Variants in DPP6 observed in about 807,000 individuals in gnomAD.
DPP6 encodes dipeptidyl peptidase like 6, also known as A-type potassium channel modulatory protein DPP6.
DPP6 carries 69 observed loss-of-function variants against 122.6 expected under a neutral mutation model. The observed-to-expected ratio is 0.56, with a 90% confidence interval of 0.46 to 0.69. DPP6 has a LOEUF of 0.69. Among genes scored for constraint, DPP6 ranks in the 30% least tolerant of loss-of-function variants. The pLI is 0.00. For synonymous variants in DPP6, 418 were observed against 433.1 expected, an observed-to-expected ratio of 0.97 and a Z score of 0.43; for missense variants, 928 against 1,116.9, an observed-to-expected ratio of 0.83 and a Z score of 2.41.
At chr7:154,378,665 C>G (rs1220480146) in intron 1 of DPP6, among the ~76,000 whole-genome samples, 5 of 152,134 alleles carry the variant, frequency 3.3e-5, no homozygotes. Flanking sequence ...ACCCTCATGA[C>G]CCAATTACCT....
chr7:154,011,083 T>G (rs1798133074), intron 1 of DPP6, among the ~76,000 whole-genome samples: 1 of 152,160 alleles, frequency 6.6e-6, no homozygotes, highest in African/African-American at 2.4e-5. Flanking sequence ...CCTATCCCTC[T>G]CCTGTTTCCT....
chr7:154,564,319 A>T (rs1830604988), intron 4 of DPP6, among the ~76,000 whole-genome samples: 1 of 152,204 alleles, frequency 6.6e-6, no homozygotes. Flanking sequence ...AGTTTTCTAA[A>T]GATAAAATCA....
chr7:154,315,487 C>G (rs1807355734), intron 1 of DPP6, among the ~76,000 whole-genome samples: 1 of 152,024 alleles, frequency 6.6e-6, no homozygotes, highest in Non-Finnish European at 1.5e-5. Context: ...TCATTTCTGT[C>G]TGTGGACTCC....
At chr7:153,817,370 A>G in the DPP6 span, among the ~76,000 whole-genome samples, 1 of 139,872 alleles carries the variant, frequency 7.1e-6, no homozygotes, top group Admixed American at 7.0e-5. Flanking sequence ...CTCAGTATAC[A>G]CATATAAAAT....
chr7:154,527,599 TAGG>T (rs924544921), intron 3 of DPP6, among the ~76,000 whole-genome samples: 43 of 152,288 alleles, frequency 2.8e-4, no homozygotes, highest in African/African-American at 9.1e-4. Context: ...AAGAAGATGA[TAGG>T]AGAAAAATTA....
chr7:153,877,900 T>C, the DPP6 span, among the ~76,000 whole-genome samples: 1 of 81,804 alleles, frequency 1.2e-5, no homozygotes, highest in East Asian at 3.7e-4. Flanking sequence ...TATTAAAAGG[T>C]TTGACAAATA....
chr7:153,803,633 C>A, the DPP6 span, among the ~76,000 whole-genome samples: 1 of 151,592 alleles, frequency 6.6e-6, no homozygotes, highest in African/African-American at 2.4e-5. Flanking sequence ...GCCTCCTAAT[C>A]ATGTGATTAT....
At chr7:154,111,607 ACAGG>A (rs1284018719) in intron 1 of DPP6, among the ~76,000 whole-genome samples, 1 of 147,838 alleles carries the variant, frequency 6.8e-6, no homozygotes, top group East Asian at 2.0e-4. Context: ...AAAAATGAAA[ACAGG>A]CAGGGTTTCG....
intron 16 of DPP6, among the ~76,000 whole-genome samples, chr7:154,851,540 C>G (rs1802383780): frequency 2.6e-5 from 4 of 152,288 alleles, no homozygotes; most frequent in Admixed American, 1.3e-4. Context: ...AGCCAAGAAA[C>G]TTAGTTTGAC....
At chr7:154,411,343 GACCCTCCCACCTC>G (rs1472987078) in intron 1 of DPP6, among the ~76,000 whole-genome samples, 1 of 152,094 alleles carries the variant, frequency 6.6e-6, no homozygotes, top group Non-Finnish European at 1.5e-5. Context: ...GGGTTCAGGT[GACCCTCCCACCTC>G]ACCCTCCCAA....
intron 1 of DPP6, among the ~76,000 whole-genome samples, chr7:154,237,153 C>T (rs890385027): frequency 6.6e-6 from 1 of 152,220 alleles, no homozygotes; most frequent in Non-Finnish European, 1.5e-5. Context: ...TTTCCAACAG[C>T]AGCCAGAGGA....
At chr7:154,402,355 C>T (rs1385631126) in intron 1 of DPP6, among the ~76,000 whole-genome samples, 1 of 149,646 alleles carries the variant, frequency 6.7e-6, no homozygotes, top group African/African-American at 2.5e-5. Flanking sequence ...ACCCAAATGT[C>T]CAACAATGAT....
intron 1 of DPP6, among the ~76,000 whole-genome samples, chr7:154,314,350 C>T (rs1207996570): frequency 1.3e-5 from 2 of 152,200 alleles, no homozygotes; most frequent in South Asian, 2.1e-4. Flanking sequence ...TGCTGACATC[C>T]CAATGCTACT....
chr7:154,121,864 TC>T (rs1276352304), intron 1 of DPP6, among the ~76,000 whole-genome samples: 1 of 152,228 alleles, frequency 6.6e-6, no homozygotes, highest in Non-Finnish European at 1.5e-5. Context: ...TTCTTTTTTT[TC>T]TTTTTCTAAA....
At chr7:153,916,868 TTTCTA>T (rs550603708) in intron 1 of DPP6, among the ~76,000 whole-genome samples, 29 of 152,344 alleles carry the variant, frequency 1.9e-4, no homozygotes, top group Admixed American at 1.8e-3. Flanking sequence ...TCTGGTGAGT[TTTCTA>T]TTCTTATTTG....
chr7:153,826,615 T>C, the DPP6 span, among the ~76,000 whole-genome samples: 1 of 152,202 alleles, frequency 6.6e-6, no homozygotes, highest in Non-Finnish European at 1.5e-5. Flanking sequence ...TGCTAGGAAA[T>C]TAATTTGGGT....
At chr7:154,078,812 A>G (rs1293285392) in intron 1 of DPP6, among the ~76,000 whole-genome samples, 3 of 152,118 alleles carry the variant, frequency 2.0e-5, no homozygotes, top group African/African-American at 7.2e-5. Flanking sequence ...ATTTTGGAGA[A>G]ACAAATTCAT....
At chr7:154,683,799 A>G (rs975273729) in intron 7 of DPP6, among the ~76,000 whole-genome samples, 1 of 152,110 alleles carries the variant, frequency 6.6e-6, no homozygotes, top group East Asian at 1.9e-4. Flanking sequence ...CAGTTCCGCA[A>G]ATGTCCCAGA....
rs182192933 is a variant in DPP6 at position 154,204,355 on chromosome 7, G to A, written c.243+151292G>A. 5.3e-5 allele frequency among the ~76,000 whole-genome samples: 8 copies of A among 152,312 alleles called. No homozygotes were observed. In the East Asian group the frequency reaches 1.2e-3, roughly 22 times the overall value. Reference sequence around the variant, plus strand: ...TGGGAAGTGGGGAGGGAGTCATGGAGTTTTAATCTCATCCTCTTTGTGGCA... The same window carrying A: ...TGGGAAGTGGGGAGGGAGTCATGGAATTTTAATCTCATCCTCTTTGTGGCA... On this transcript the variant is annotated intron_variant, in intron 1 of 25. Coordinates refer to ENST00000377770, the MANE Select transcript of DPP6 (RefSeq NM_130797.4).
Sources: gnomAD v4.1 joint callset for allele counts (sites outside exome capture counted in the v4.1 genomes callset) on GRCh38, gnomAD v4.1.1 for gene constraint, MANE v1.5 for transcripts, NCBI Gene and HGNC (gene_info 2026-07-23, HGNC 2026-07-21) for gene names.